Variants in XK observed in about 807,000 individuals in gnomAD.
XK encodes endoplasmic reticulum membrane adapter protein XK.
A neutral mutation model predicts 14.0 loss-of-function variants in XK; 2 were observed. The observed-to-expected ratio is 0.14, with a 90% confidence interval of 0.06 to 0.45. XK has a LOEUF of 0.45. Among genes scored for constraint, XK ranks in the 20% least tolerant of loss-of-function variants. XK has a pLI of 0.98. For synonymous variants in XK, 149 were observed against 147.5 expected (o/e 1.01, Z -0.08); for missense variants, 235 against 341.5 (o/e 0.69, Z 2.46).
intron 2 of XK, among the ~76,000 whole-genome samples, chrX:37,725,249 TA>T (rs1372146791): frequency 2.7e-5 from 3 of 111,784 alleles, no homozygotes; most frequent in African/African-American, 9.7e-5. Flanking sequence ...TCTAGAGATC[TA>T]ATATACAGCA....
At chrX:37,691,253 C>T (rs782056963) in intron 1 of XK, among the ~76,000 whole-genome samples, 24 of 112,264 alleles carry the variant, frequency 2.1e-4, no homozygotes, top group East Asian at 1.9e-3. Context: ...ACCCTCATTT[C>T]GTTCATTCAG....
At chrX:37,712,151 G>A (rs781904035) in intron 2 of XK, among the ~76,000 whole-genome samples, 44 of 111,075 alleles carry the variant, frequency 4.0e-4, no homozygotes, top group African/African-American at 1.4e-3. Context: ...GGCTGAATAG[G>A]CTAGGATTCA....
At chrX:37,692,797 C>G (rs1396478902) in intron 1 of XK, among the ~76,000 whole-genome samples, 5 of 112,408 alleles carry the variant, frequency 4.4e-5, no homozygotes, top group Non-Finnish European at 9.4e-5. Flanking sequence ...TTGAGTTTTC[C>G]TTCAGAGAAA....
intron 1 of XK, among the ~76,000 whole-genome samples, chrX:37,688,934 T>G (rs782798985): frequency 8.9e-6 from 1 of 111,971 alleles, no homozygotes; most frequent in East Asian, 2.8e-4. Flanking sequence ...TTATCTACTT[T>G]TCTATATTTT....
At chrX:37,711,708 T>G (rs1432431448) in intron 2 of XK, among the ~76,000 whole-genome samples, 1 of 111,638 alleles carries the variant, frequency 9.0e-6, no homozygotes, top group Non-Finnish European at 1.9e-5. Flanking sequence ...CCCGGATGCT[T>G]GCCTCAAGCT....
intron 1 of XK, among the ~76,000 whole-genome samples, chrX:37,692,970 C>T: frequency 9.1e-6 from 1 of 110,090 alleles, no homozygotes; most frequent in African/African-American, 3.3e-5. Flanking sequence ...CAACCCCCCC[C>T]CACACACACA....
At chrX:37,716,654 GA>G (rs1448055259) in intron 2 of XK, among the ~76,000 whole-genome samples, 2 of 111,785 alleles carry the variant, frequency 1.8e-5, no homozygotes, top group African/African-American at 6.5e-5. Flanking sequence ...GTAGAATAGA[GA>G]AACTCTATCT....
chrX:37,698,606 C>T (rs1240969829), intron 2 of XK, among the ~76,000 whole-genome samples: 2 of 104,087 alleles, frequency 1.9e-5, no homozygotes, highest in African/African-American at 7.1e-5. Context: ...GATAGAGGAG[C>T]CAGAATTTGA....
chrX:37,726,265 T>C (rs1556449974), intron 2 of XK, among the ~76,000 whole-genome samples: 3 of 111,774 alleles, frequency 2.7e-5, no homozygotes, highest in African/African-American at 9.8e-5. Flanking sequence ...TGCTCAACTT[T>C]ACTGTGAACC....
Position 37,729,365 on chromosome X carries a change from T to C in XK, c.*903T>C, listed in dbSNP as rs189953054. 2.7e-3 allele frequency: 299 copies of C among 111,829 alleles called. 2 individuals carry two copies. The highest frequency in any genetic ancestry group is 9.2e-3 in the Middle Eastern group (2 of 218). The allele number at this position is 111,829 out of a possible 1,213,427, so 9.2% of individuals were successfully genotyped here. A position where few individuals can be genotyped will look rare whatever the true frequency, so the allele number is the denominator to read the frequency against. ...AAATCTCTCACCCAGTTCAGGTGTA[T>C]AGGGAATTTTCATTTTCATTATTTC... is the stretch of plus-strand genomic sequence containing the variant. On this transcript the variant is annotated 3_prime_UTR_variant, in exon 3 of 3. Coordinates refer to ENST00000378616, the MANE Select transcript of XK (RefSeq NM_021083.4).
chrX:37,701,905 C>T (rs1927424960), intron 2 of XK, among the ~76,000 whole-genome samples: 1 of 111,642 alleles, frequency 9.0e-6, no homozygotes, highest in Non-Finnish European at 1.9e-5. Flanking sequence ...GCAGTCCCCA[C>T]TCTGGTGTCC....
intron 2 of XK, among the ~76,000 whole-genome samples, chrX:37,701,755 G>C (rs781867205): frequency 1.8e-5 from 2 of 111,850 alleles, no homozygotes; most frequent in Admixed American, 1.9e-4. Flanking sequence ...GCTTCCCCAG[G>C]GTACATCTGG....
intron 2 of XK, among the ~76,000 whole-genome samples, chrX:37,713,238 G>A (rs1164121449): frequency 8.9e-6 from 1 of 111,897 alleles, no homozygotes; most frequent in African/African-American, 3.2e-5. Context: ...TGGTTGCTTA[G>A]CTGGGACTGA....
chrX:37,714,066 C>T (rs1927717404), intron 2 of XK, among the ~76,000 whole-genome samples: 1 of 111,716 alleles, frequency 9.0e-6, no homozygotes, highest in Non-Finnish European at 1.9e-5. Context: ...AAGACTAAGA[C>T]CCAGTTTTTG....
chrX:37,722,322 C>A (rs1927892310), intron 2 of XK, among the ~76,000 whole-genome samples: 1 of 110,546 alleles, frequency 9.0e-6, no homozygotes, highest in South Asian at 3.8e-4. Context: ...CTGACATAGG[C>A]AGATTCATAC....
intron 2 of XK, among the ~76,000 whole-genome samples, chrX:37,723,217 T>C (rs1419540683): frequency 9.0e-6 from 1 of 111,723 alleles, no homozygotes; most frequent in Admixed American, 9.5e-5. Context: ...ATTTATCCCC[T>C]TTTGTGTTGG....
At position 37,713,699 on chromosome X, in the gene XK, C is replaced by T. The variant is rs145874481; in HGVS notation, c.509-13937C>T. Among the ~76,000 whole-genome samples the T allele has an allele frequency of 2.3e-3, 250 of 110,176 alleles. 5 individuals carry two copies. The East Asian group carries it at 0.065, about 29-fold the overall frequency. ...AATCTCTAGGTACAGGAATAGAAAA[C>T]GAAGTTACAGATTTCTCTGAGGTGT... On this transcript the variant is annotated intron_variant, in intron 2 of 2. Transcript: ENST00000378616.
At chrX:37,702,972 C>G (rs1279988562) in intron 2 of XK, among the ~76,000 whole-genome samples, 1 of 111,939 alleles carries the variant, frequency 8.9e-6, no homozygotes, top group Non-Finnish European at 1.9e-5. Flanking sequence ...TTAACAACTG[C>G]ACTGGTATAT....
intron 2 of XK, among the ~76,000 whole-genome samples, chrX:37,704,932 C>G (rs782098502): frequency 7.1e-5 from 8 of 112,188 alleles, no homozygotes; most frequent in Non-Finnish European, 1.1e-4. Flanking sequence ...AAGTACATAA[C>G]AAACATAATA....
Sources: allele counts gnomAD v4.1 joint callset (sites outside exome capture counted in the v4.1 genomes callset), GRCh38; gene constraint gnomAD v4.1.1; transcripts MANE v1.5; gene names NCBI Gene and HGNC (gene_info 2026-07-23, HGNC 2026-07-21).